RBFOX1: variants seen among roughly 807,000 people sequenced by gnomAD.
RBFOX1 encodes RNA binding fox-1 homolog 1.
RBFOX1 carries 8 observed loss-of-function variants against 57.7 expected under a neutral mutation model. That is an observed-to-expected ratio of 0.14 (90% CI 0.08 to 0.25). The LOEUF is 0.25. RBFOX1 is among the 10% of genes least tolerant of loss of function. The pLI is 1.00. For missense variants in RBFOX1, 611 were observed against 548.5 expected (o/e 1.11, Z -1.14); for synonymous variants, 326 against 222.4 (o/e 1.47, Z -4.15).
At chr16:7,100,553 T>G (rs2062501644) in intron 4 of RBFOX1, among the ~76,000 whole-genome samples, 1 of 142,516 alleles carries the variant, frequency 7.0e-6, no homozygotes, top group African/African-American at 2.6e-5. Context: ...AAAACATGGG[T>G]TTTTAAAGGT....
chr16:5,515,073 A>C (rs929590662), intron 2 of RBFOX1, among the ~76,000 whole-genome samples: 2 of 152,190 alleles, frequency 1.3e-5, no homozygotes, highest in African/African-American at 4.8e-5. Flanking sequence ...TAATGAATTT[A>C]CAGAACAAGA....
chr16:6,819,196 T>A (rs1482792327), intron 3 of RBFOX1, among the ~76,000 whole-genome samples: 1 of 152,202 alleles, frequency 6.6e-6, no homozygotes, highest in Non-Finnish European at 1.5e-5. Context: ...TAACATTCTG[T>A]TTATTTCCGT....
chr16:7,558,226 C>T (rs1175232986), intron 5 of RBFOX1, among the ~76,000 whole-genome samples: 1 of 151,898 alleles, frequency 6.6e-6, no homozygotes, highest in Non-Finnish European at 1.5e-5. Context: ...TGTTGGTGCA[C>T]ACCTGTAGTC....
intron 3 of RBFOX1, among the ~76,000 whole-genome samples, chr16:6,693,079 C>G (rs112407975): frequency 1.5e-5 from 2 of 134,308 alleles, no homozygotes; most frequent in Non-Finnish European, 3.4e-5. Context: ...TCCTCCTCTA[C>G]TACCATCACA....
intron 3 of RBFOX1, among the ~76,000 whole-genome samples, chr16:6,790,169 C>A (rs867946280): frequency 7.1e-6 from 1 of 141,544 alleles, no homozygotes; most frequent in South Asian, 2.2e-4. Flanking sequence ...TTATTTTATT[C>A]TATTATTATT....
chr16:6,229,142 C>G (rs1284683619), intron 1 of RBFOX1, among the ~76,000 whole-genome samples: 1 of 152,062 alleles, frequency 6.6e-6, no homozygotes, highest in Non-Finnish European at 1.5e-5. Context: ...AGATAAATGA[C>G]ATCTCCTTAC....
chr16:6,907,025 G>T (rs7193337), intron 3 of RBFOX1, among the ~76,000 whole-genome samples: 2 of 151,594 alleles, frequency 1.3e-5, no homozygotes, highest in Non-Finnish European at 2.9e-5. Context: ...CACCCAGCTT[G>T]CAGAACTAAA....
intron 3 of RBFOX1, among the ~76,000 whole-genome samples, chr16:6,722,757 A>G (rs1461691164): frequency 2.0e-5 from 3 of 152,236 alleles, no homozygotes; most frequent in Non-Finnish European, 2.9e-5. Flanking sequence ...CATCAATACT[A>G]CATGAATTAT....
chr16:6,852,132 A>G (rs550370161), intron 3 of RBFOX1, among the ~76,000 whole-genome samples: 1 of 152,108 alleles, frequency 6.6e-6, no homozygotes, highest in East Asian at 1.9e-4. Flanking sequence ...TTATTATCTA[A>G]CAGTTTTGGT....
At chr16:5,688,907 G>A (rs1412946301) in intron 3 of RBFOX1, among the ~76,000 whole-genome samples, 2 of 152,160 alleles carry the variant, frequency 1.3e-5, no homozygotes, top group Admixed American at 6.5e-5. Flanking sequence ...TTGAGTTTCA[G>A]TCTCTAGATT....
chr16:7,431,598 A>G (rs2098680819), intron 4 of RBFOX1, among the ~76,000 whole-genome samples: 1 of 152,172 alleles, frequency 6.6e-6, no homozygotes, highest in Non-Finnish European at 1.5e-5. Flanking sequence ...CGTAACATAA[A>G]ATGTGTCATC....
chr16:7,152,165 T>C (rs1458177703), intron 4 of RBFOX1, among the ~76,000 whole-genome samples: 1 of 152,170 alleles, frequency 6.6e-6, no homozygotes, highest in Non-Finnish European at 1.5e-5. Context: ...TCCTCACCCC[T>C]GAGCTGATTC....
intron 5 of RBFOX1, among the ~76,000 whole-genome samples, chr16:7,546,498 G>T (rs980161479): frequency 6.6e-6 from 1 of 152,114 alleles, no homozygotes; most frequent in Non-Finnish European, 1.5e-5. Flanking sequence ...AGTATATCCA[G>T]ATAAATAATA....
intron 4 of RBFOX1, among the ~76,000 whole-genome samples, chr16:7,465,539 C>A (rs1455145090): frequency 2.0e-5 from 3 of 152,176 alleles, no homozygotes; most frequent in Non-Finnish European, 4.4e-5. Flanking sequence ...GCACTGCCTG[C>A]CAGGCTATTT....
intron 2 of RBFOX1, among the ~76,000 whole-genome samples, chr16:6,618,317 T>C (rs564100477): frequency 6.6e-6 from 1 of 152,304 alleles, no homozygotes; most frequent in African/African-American, 2.4e-5. Flanking sequence ...GACTGAACAC[T>C]TACTTAAAAC....
At chr16:6,653,615 AGATG>A (rs1389319256) in intron 2 of RBFOX1, among the ~76,000 whole-genome samples, 2 of 152,100 alleles carry the variant, frequency 1.3e-5, no homozygotes, top group Non-Finnish European at 2.9e-5. Flanking sequence ...GTGGAATGGT[AGATG>A]GATGGGTGGA....
chr16:5,428,923 T>A (rs1282120507), intron 1 of RBFOX1, among the ~76,000 whole-genome samples: 2 of 152,146 alleles, frequency 1.3e-5, no homozygotes, highest in Non-Finnish European at 2.9e-5. Context: ...AGGTATAAGG[T>A]GATCTTTATG....
chr16:6,247,560 C>A (rs143972076), intron 1 of RBFOX1, among the ~76,000 whole-genome samples: 1 of 152,160 alleles, frequency 6.6e-6, no homozygotes, highest in Non-Finnish European at 1.5e-5. Flanking sequence ...TCTGTATAGC[C>A]TGTTGTGCCA....
chr16:7,395,097 T>C (rs945008623), intron 4 of RBFOX1, among the ~76,000 whole-genome samples: 4 of 152,144 alleles, frequency 2.6e-5, no homozygotes, highest in Non-Finnish European at 5.9e-5. Flanking sequence ...AATTTTTTTT[T>C]CTCTTGAGTT....
Sources: gnomAD v4.1 joint callset for allele counts (sites outside exome capture counted in the v4.1 genomes callset) on GRCh38, gnomAD v4.1.1 for gene constraint, MANE v1.5 for transcripts, NCBI Gene and HGNC (gene_info 2026-07-23, HGNC 2026-07-21) for gene names.